Variants in TGS1 observed in about 807,000 individuals in gnomAD.
TGS1 encodes the protein trimethylguanosine synthase.
A neutral mutation model predicts 92.2 loss-of-function variants in TGS1; 69 were observed. The ratio of observed to expected loss-of-function variants is 0.75; its 90% confidence interval spans 0.62 to 0.91. The LOEUF is 0.91. TGS1 is among the 40% of genes least tolerant of loss of function. The pLI, the probability that TGS1 is intolerant of heterozygous loss-of-function variation, is 0.00. For missense variants in TGS1, 1,062 were observed against 1,001.2 expected (o/e 1.06, Z -0.82); for synonymous variants, 345 against 338.1 (o/e 1.02, Z -0.22).
rs1390265035 is a variant in TGS1, at chr8:55,790,179, T to C, written c.1163-3T>C. 1.9e-6 allele frequency: 3 copies of C among 1,610,592 alleles called. No homozygotes were observed. Among genetic ancestry groups the C allele is most frequent in the Admixed American group, 1.7e-5 (1 of 59,838 alleles). ...AGCTACTGCAATATTTCTGCCTCTTTAGATTCACAGAAGTCTTCAGGAGCA... is the reference window on the plus strand; with the variant it reads ...AGCTACTGCAATATTTCTGCCTCTTCAGATTCACAGAAGTCTTCAGGAGCA... On this transcript the variant is annotated splice_polypyrimidine_tract_variant and splice_region_variant and intron_variant, in intron 4 of 12. Coordinates refer to ENST00000260129, the MANE Select transcript of TGS1 (RefSeq NM_024831.8).
At chr8:55,804,545 T>C (rs931964206) in intron 9 of TGS1, among the ~76,000 whole-genome samples, 2 of 152,168 alleles carry the variant, frequency 1.3e-5, no homozygotes, top group Non-Finnish European at 2.9e-5. Flanking sequence ...GTGGGGGAGC[T>C]AGCCAATTAG....
Position 55,820,022 on chromosome 8 carries a change from T to C in TGS1, c.2440-4559T>C, listed in dbSNP as rs778309527. On this transcript the variant is annotated intron_variant, in intron 12 of 12. Coordinates refer to ENST00000260129, the MANE Select transcript of TGS1 (RefSeq NM_024831.8). ...GGCCACATAAAATGCTCTTTATTTTTACCTGGTACAATTATCTTCTAACCA... is the reference window on the plus strand; with the variant it reads ...GGCCACATAAAATGCTCTTTATTTTCACCTGGTACAATTATCTTCTAACCA... Among the ~76,000 whole-genome samples the C allele has an allele frequency of 5.3e-5, 8 of 152,356 alleles. No homozygotes were observed. The East Asian group carries it at 1.3e-3, about 26-fold the overall frequency.
At chr8:55,780,925 A>G (rs1288968659) in intron 1 of TGS1, among the ~76,000 whole-genome samples, 1 of 152,050 alleles carries the variant, frequency 6.6e-6, no homozygotes, top group Non-Finnish European at 1.5e-5. Context: ...TCCTTTTGGT[A>G]TTTCTAGTGT....
At chr8:55,809,858 CT>C (rs1183501926) in intron 10 of TGS1, among the ~76,000 whole-genome samples, 2 of 151,978 alleles carry the variant, frequency 1.3e-5, no homozygotes, top group Non-Finnish European at 2.9e-5. Context: ...TTGAAAGTCA[CT>C]TTTTCTTTTG....
At chr8:55,813,157 T>G (rs371728823) in intron 12 of TGS1, 39 bp downstream of exon 12, 2 of 1,399,694 alleles carry the variant, frequency 1.4e-6, no homozygotes, top group Non-Finnish European at 2.0e-6. Flanking sequence ...GTGTCTGTCT[T>G]AACTGTTACA....
chr8:55,803,597 A>G lies in TGS1; in HGVS notation c.1999+991A>G, dbSNP rs1261529230. Among the ~76,000 whole-genome samples the G allele has an allele frequency of 2.6e-5, 4 of 152,166 alleles. No homozygotes were observed. The South Asian group carries it at 6.2e-4, about 24-fold the overall frequency. On this transcript the variant is annotated intron_variant, in intron 9 of 12. Transcript: ENST00000260129. ...CTTATTTTTCCAGTATTGAAGAGCC[A>G]TTTAAAGTTTTGGTAAGGGGAGACA...
chr8:55,793,658 C>T (rs982364812), intron 6 of TGS1, among the ~76,000 whole-genome samples: 5 of 152,094 alleles, frequency 3.3e-5, no homozygotes, highest in Non-Finnish European at 7.4e-5. Flanking sequence ...ACATCCGCCT[C>T]CTGGGTTCAA....
chr8:55,781,875 A>G (rs1811573650), intron 1 of TGS1, among the ~76,000 whole-genome samples: 1 of 152,172 alleles, frequency 6.6e-6, no homozygotes, highest in South Asian at 2.1e-4. Flanking sequence ...ATTACAGCTG[A>G]ATTTATAGTC....
intron 12 of TGS1, among the ~76,000 whole-genome samples, chr8:55,820,106 C>T (rs1045130280): frequency 1.5e-4 from 23 of 152,150 alleles, no homozygotes; most frequent in African/African-American, 4.6e-4. Flanking sequence ...TTTTTCAGCG[C>T]TCTGATGTTT....
intron 8 of TGS1, among the ~76,000 whole-genome samples, chr8:55,801,555 T>C (rs1445336687): frequency 7.2e-6 from 1 of 137,992 alleles, no homozygotes; most frequent in African/African-American, 2.7e-5. Context: ...ATTATAGGCA[T>C]GAACCACTGC....
Position 55,805,031 on chromosome 8 carries a change from T to G in TGS1, c.2138T>G (p.Met713Arg). ...GNTIQFALTG[M>R]RVIAIDIDPV... Reference sequence around the variant, plus strand: ...ACCATTCAGTTTGCCTTAACAGGAATGAGAGGTAATTAGCCATCAATGGAA... The same window carrying G: ...ACCATTCAGTTTGCCTTAACAGGAAGGAGAGGTAATTAGCCATCAATGGAA... The change falls in exon 10 of 13, where the codon ATG (methionine) becomes AGG (arginine). Residue 713 changes from methionine (M) to arginine (R), a missense_variant. Met to Arg is a moderately conservative substitution (Grantham distance 91). Transcript: ENST00000260129. 1.2e-6 allele frequency: 2 copies of G among 1,613,432 alleles called. No individual in the cohort carries two copies. The highest frequency in any genetic ancestry group is 2.2e-5 in the South Asian group (2 of 90,994).
intron 1 of TGS1, among the ~76,000 whole-genome samples, chr8:55,777,160 A>G (rs968724656): frequency 2.0e-5 from 3 of 151,562 alleles, no homozygotes; most frequent in African/African-American, 7.3e-5. Context: ...GCTATGCACC[A>G]CCATACCTGC....
chr8:55,786,707 CA>C lies in TGS1; in HGVS notation c.810del (p.Asp271IlefsTer18). On this transcript the variant is annotated frameshift_variant, in exon 4 of 13. Transcript: ENST00000260129. LOFTEE classifies it high-confidence loss of function. Reference protein sequence around the residue: ...WTFDASQSCDTDTYTSKTEAD... With the variant: ...WTFDASQSCDXDTYTSKTEAD... ...TTTGATGCCTCGCAAAGCTGTGATA[CA>C]GATACTTACACATCTAAAACAGAAG... 2 of 1,614,090 alleles carry C rather than the reference CA, an allele frequency of 1.2e-6. No individual in the cohort carries two copies. Among genetic ancestry groups the C allele is most frequent in the Non-Finnish European group, 1.7e-6 (2 of 1,179,994 alleles).
At chr8:55,816,564 T>C (rs952090710) in intron 12 of TGS1, among the ~76,000 whole-genome samples, 2 of 152,214 alleles carry the variant, frequency 1.3e-5, no homozygotes, top group Non-Finnish European at 2.9e-5. Context: ...AAGTTACTTA[T>C]CTTTGTCATG....
At position 55,773,676 on chromosome 8, in the gene TGS1, G is replaced by C. The variant is rs1334898575; in HGVS notation, c.58G>C (p.Glu20Gln). 2 of 1,611,430 alleles carry C rather than the reference G, an allele frequency of 1.2e-6. No homozygotes were observed. The highest frequency in any genetic ancestry group is 2.2e-5 in the East Asian group (1 of 44,614). The stretch of plus-strand genomic sequence containing the variant: ...AATGTTTCTCTTCATTGAGGAGCGG[G>C]AGGATTGTAAGATACTGTGCCTTTG... ...AEMFLFIEER[E>Q]DCKILCLCSR... The change falls in exon 1 of 13, where the codon GAG becomes CAG. Residue 20 changes from glutamate (E) to glutamine (Q), a missense_variant. Glu to Gln is a conservative substitution (Grantham distance 29). Coordinates refer to ENST00000260129, the MANE Select transcript of TGS1 (RefSeq NM_024831.8).
intron 9 of TGS1, among the ~76,000 whole-genome samples, chr8:55,804,302 A>G (rs1330051741): frequency 6.6e-6 from 1 of 152,162 alleles, no homozygotes; most frequent in Non-Finnish European, 1.5e-5. Context: ...TTGGCTGGGC[A>G]TGGTAGCGTG....
intron 5 of TGS1, among the ~76,000 whole-genome samples, chr8:55,791,736 C>G (rs944389706): frequency 6.6e-6 from 1 of 152,140 alleles, no homozygotes; most frequent in Non-Finnish European, 1.5e-5. Flanking sequence ...AACTGCAGTT[C>G]TGTTTTTGTG....
chr8:55,805,770 G>C (rs1812348084), intron 10 of TGS1, among the ~76,000 whole-genome samples: 1 of 151,232 alleles, frequency 6.6e-6, no homozygotes, highest in Non-Finnish European at 1.5e-5. Flanking sequence ...TGTAATCCCA[G>C]CTACAGGAGG....
chr8:55,805,494 C>T (rs900811306), intron 10 of TGS1, among the ~76,000 whole-genome samples: 15 of 152,102 alleles, frequency 9.9e-5, no homozygotes, highest in Admixed American at 6.5e-4. Context: ...TTTGAGTGGG[C>T]GTGGTGATTC....
Sources: gnomAD v4.1 joint callset for allele counts (sites outside exome capture counted in the v4.1 genomes callset) on GRCh38, gnomAD v4.1.1 for gene constraint, MANE v1.5 for transcripts, NCBI Gene and HGNC (gene_info 2026-07-23, HGNC 2026-07-21) for gene names.